Variants in PXDN observed in about 807,000 individuals in gnomAD.
PXDN encodes peroxidasin, also known as peroxidasin homolog.
In PXDN, 77 loss-of-function variants were observed where a neutral mutation model predicts 140.3. That is an observed-to-expected ratio of 0.55 (90% CI 0.46 to 0.66). The LOEUF is 0.66. PXDN is among the 30% of genes least tolerant of loss of function. The pLI is 0.00. For missense variants in PXDN, 1,838 were observed against 2,039.5 expected (o/e 0.90, Z 1.90); for synonymous variants, 911 against 857.4 (o/e 1.06, Z -1.09).
intron 17 of PXDN, chr2:1,646,110 G>A (rs543757488): frequency 6.6e-6 from 1 of 152,416 alleles, no homozygotes; most frequent in Non-Finnish European, 1.5e-5. Flanking sequence ...TCTGCCGAAG[G>A]CAACCCCTCT....
chr2:1,664,908 T>C, intron 11 of PXDN, 50 bp downstream of exon 11: 2 of 1,441,756 alleles, frequency 1.4e-6, no homozygotes, highest in Admixed American at 1.9e-5. Flanking sequence ...GTGTGCTTCC[T>C]GCGTCTGTGG....
Position 1,635,924 on chromosome 2 carries a change from C to T in PXDN, c.4207-403G>A, listed in dbSNP as rs181533068. On this transcript the variant is annotated intron_variant, in intron 21 of 22. Coordinates refer to ENST00000252804, the MANE Select transcript of PXDN (RefSeq NM_012293.3). ...CACCACTGGCTTTTCTCTGGAAGCACGGGGCCCCATAACAAGGTGACCTTT... is the reference window on the plus strand; with the variant it reads ...CACCACTGGCTTTTCTCTGGAAGCATGGGGCCCCATAACAAGGTGACCTTT... The T allele has an allele frequency of 1.3e-3, 439 of 335,960 alleles. No individual in the cohort carries two copies. In the Middle Eastern group the frequency reaches 0.021, roughly 16 times the overall value. 20.8% of individuals were successfully genotyped at this position (335,960 alleles called of 1,614,324 possible). A position where few individuals can be genotyped will look rare whatever the true frequency, so the allele number is the denominator to read the frequency against.
rs574544332 is a variant in PXDN at position 1,685,192 on chromosome 2, G to A, written c.417-1041C>T. 1.8e-4 allele frequency among the ~76,000 whole-genome samples: 28 copies of A among 152,206 alleles called. No homozygotes were observed. Among genetic ancestry groups the A allele is most frequent in the South Asian group, 6.2e-4 (3 of 4,828 alleles). On this transcript the variant is annotated intron_variant, in intron 4 of 22. Transcript: ENST00000252804. The surrounding 1 kb of genome is among the most constrained non-coding windows in gnomAD (Gnocchi z 5.1). ...CACACAGGCCACACTGAGTCTCTGC[G>A]GACACCTGCAGCCGGAGGGCCCCCA...
At chr2:1,693,971 C>T (rs1302727689) in intron 1 of PXDN, among the ~76,000 whole-genome samples, 1 of 152,266 alleles carries the variant, frequency 6.6e-6, no homozygotes, top group East Asian at 1.9e-4. Flanking sequence ...GAAGTGCAGA[C>T]ATGCAGAGGC....
rs149707296 is a variant in PXDN, at chr2:1,664,337, A to T, written c.1409-574T>A. 7.2e-3 allele frequency: 1,138 copies of T among 157,374 alleles called. 19 individuals are homozygous for T. The highest frequency in any genetic ancestry group is 0.026 in the African/African-American group (1,068 of 41,614). The allele number at this position is 157,374 out of a possible 1,614,324, so 9.7% of individuals were successfully genotyped here. On this transcript the variant is annotated intron_variant, in intron 11 of 22. Transcript: ENST00000252804. ...TCAGGGTCACTGCTTGCATCCCAGG[A>T]CAGGAACCAGGAGGTCTGCGTAGCT...
chr2:1,657,562 C>T (rs1393228577), intron 14 of PXDN, among the ~76,000 whole-genome samples: 1 of 151,794 alleles, frequency 6.6e-6, no homozygotes, highest in East Asian at 1.9e-4. Context: ...ACACCTGGCC[C>T]TCCTGCCTGA....
At position 1,649,263 on chromosome 2, in the gene PXDN, T is replaced by A. The variant is rs766951813; in HGVS notation, c.2517A>T (p.Ala839=). The A allele has an allele frequency of 6.2e-7, 1 of 1,613,122 alleles. No individual in the cohort carries two copies. The highest frequency in any genetic ancestry group is 8.5e-7 in the Non-Finnish European group (1 of 1,179,778). The change falls in exon 17 of 23, where the codon GCA becomes GCT. Residue 839 remains alanine (A), a synonymous_variant. Transcript: ENST00000252804. This position sits in a 1 kb window ranked among gnomAD's most constrained non-coding sequence, Gnocchi z 7.1. The part of the protein sequence containing the change: ...LDSTVVALSQ[A]RFSDGQHCSN... Reference sequence around the variant, plus strand: ...TGCAGTGCTGTCCGTCGGAGAAGCGTGCCTGGCTCAGGGCCACCACCGTGG... The same window carrying A: ...TGCAGTGCTGTCCGTCGGAGAAGCGAGCCTGGCTCAGGGCCACCACCGTGG...
chr2:1,648,462 G>T lies in PXDN; in HGVS notation c.3318C>A (p.Phe1106Leu). 6.2e-7 allele frequency: 1 copy of T among 1,610,796 alleles called. No homozygotes were observed. The highest frequency in any genetic ancestry group is 8.5e-7 in the Non-Finnish European group (1 of 1,179,834). Reference protein sequence around the residue: ...LPLHKAFFSPFRIVNEGGIDP... With the variant: ...LPLHKAFFSPLRIVNEGGIDP... ...CGATGCCGCCCTCATTCACAATCCG[G>T]AAGGGAGAGAAGAAAGCTTTGTGAA... The change falls in exon 17 of 23, where the codon TTC (phenylalanine) becomes TTA (leucine). Residue 1106 changes from phenylalanine (F) to leucine (L), a missense_variant. Around this residue, in one of 5 missense-constraint regions of PXDN, gnomAD observed 850 missense variants for 894.1 expected, o/e 0.95. Transcript: ENST00000252804. The surrounding 1 kb of genome is among the most constrained non-coding windows in gnomAD (Gnocchi z 8.9).
Position 1,648,876 on chromosome 2 carries a change from G to A in PXDN, c.2904C>T (p.Ile968=), listed in dbSNP as rs781271519. The change falls in exon 17 of 23, where the codon ATC becomes ATT. Residue 968 remains isoleucine (I), a synonymous_variant. Coordinates refer to ENST00000252804, the MANE Select transcript of PXDN (RefSeq NM_012293.3). The surrounding 1 kb of genome is among the most constrained non-coding windows in gnomAD (Gnocchi z 8.9). ...GGTGGTCCCCGGCCAGGAAGCAGGG[G>A]ATGGGGCTCTCGTTCTCGTCCCGCA... ...ECMRDENESP[I]PCFLAGDHRA... 7 of 1,602,638 alleles carry A rather than the reference G, an allele frequency of 4.4e-6. No homozygotes were observed. In the South Asian group the frequency reaches 4.4e-5, roughly 10 times the overall value.
chr2:1,683,161 C>T (rs141064346), intron 6 of PXDN, among the ~76,000 whole-genome samples: 13 of 151,050 alleles, frequency 8.6e-5, no homozygotes, highest in African/African-American at 1.5e-4. Context: ...GTGGACAGAT[C>T]GCTTGAGCTT....
chr2:1,703,611 AG>A (rs1684505029), intron 1 of PXDN, among the ~76,000 whole-genome samples: 1 of 3,336 alleles, frequency 3.0e-4, no homozygotes, highest in African/African-American at 3.0e-3. Flanking sequence ...AGGTGAAGGG[AG>A]GGCAACTCCA....
chr2:1,643,255 T>G, intron 19 of PXDN, 113 bp downstream of exon 19: 4 of 1,114,934 alleles, frequency 3.6e-6, no homozygotes, highest in Non-Finnish European at 5.1e-6. Flanking sequence ...AGCTGAATAT[T>G]TTGTTTTCAG....
rs1324996286 is a variant in PXDN at position 1,660,392 on chromosome 2, G to A, written c.1837+489C>T. Among the ~76,000 whole-genome samples, 1 of 152,154 alleles carries A rather than the reference G, an allele frequency of 6.6e-6. No homozygotes were observed. Among genetic ancestry groups the A allele is most frequent in the African/African-American group, 2.4e-5 (1 of 41,438 alleles). ...CAGGACGGCTCTAGGACCACCGACT[G>A]GATCTATGTAAGGCTGCCTACGAGC... On this transcript the variant is annotated intron_variant, in intron 14 of 22. Coordinates refer to ENST00000252804, the MANE Select transcript of PXDN (RefSeq NM_012293.3). This position sits in a 1 kb window ranked among gnomAD's most constrained non-coding sequence, Gnocchi z 4.6.
chr2:1,719,561 G>A (rs1684969318), intron 1 of PXDN, among the ~76,000 whole-genome samples: 1 of 152,322 alleles, frequency 6.6e-6, no homozygotes, highest in East Asian at 1.9e-4. Context: ...GGGCCTCTCT[G>A]GATTCTCACC....
intron 13 of PXDN, among the ~76,000 whole-genome samples, chr2:1,661,376 A>T (rs1683300309): frequency 6.6e-6 from 1 of 152,204 alleles, no homozygotes; most frequent in South Asian, 2.1e-4. Flanking sequence ...AGACCTAGGA[A>T]TGTCTCAGAA....
At chr2:1,731,179 C>CACACACACACACACAA (rs60396503) in intron 1 of PXDN, among the ~76,000 whole-genome samples, 166 of 149,108 alleles carry the variant, frequency 1.1e-3, no homozygotes, top group Middle Eastern at 6.9e-3. Context: ...CACACACACA[C>CACACACACACACACAA]ATGAACTAGT....
chr2:1,679,978 ATGG>A (rs1203729011), intron 7 of PXDN, among the ~76,000 whole-genome samples: 30 of 129,888 alleles, frequency 2.3e-4, no homozygotes, highest in Non-Finnish European at 3.3e-4. Context: ...GTGTCTGTAA[ATGG>A]TGTGTGTGTA....
intron 14 of PXDN, among the ~76,000 whole-genome samples, chr2:1,658,083 T>TCTCCCTCCCCCTCTCTCTCTCTCCCC: frequency 1.3e-5 from 1 of 77,752 alleles, no homozygotes; most frequent in African/African-American, 5.7e-5. Flanking sequence ...TCTCTCTCTC[T>TCTCCCTCCCCCTCTCTCTCTCTCCCC]CTCTCTCTCT....
intron 3 of PXDN, among the ~76,000 whole-genome samples, chr2:1,689,482 A>C (rs1293849453): frequency 6.6e-6 from 1 of 152,196 alleles, no homozygotes; most frequent in East Asian, 1.9e-4. Context: ...ATTTGTTTTC[A>C]TGAGAATAGG....
Sources: gnomAD v4.1 joint callset for allele counts (sites outside exome capture counted in the v4.1 genomes callset) on GRCh38, gnomAD v4.1.1 for gene constraint, gnomAD v4.1.1 regional missense constraint, Gnocchi (gnomAD v3.1) non-coding constraint, MANE v1.5 for transcripts, NCBI Gene and HGNC (gene_info 2026-07-23, HGNC 2026-07-21) for gene names.